FAM89A: variants seen among roughly 807,000 people sequenced by gnomAD.
FAM89A encodes protein FAM89A.
FAM89A carries 10 observed loss-of-function variants against 7.1 expected under a neutral mutation model. The observed-to-expected ratio is 1.40, with a 90% CI of 0.86 to 2.38. The LOEUF (loss-of-function observed/expected upper bound fraction) is 2.38, where lower values mean the gene tolerates loss of function less well. Among genes scored for constraint, FAM89A ranks in the 30% most tolerant of loss-of-function variants. The pLI is 0.00. For missense variants in FAM89A, 276 were observed against 262.8 expected (o/e 1.05, Z -0.35); for synonymous variants, 157 against 129.3 (o/e 1.21, Z -1.45).
intron 1 of FAM89A, among the ~76,000 whole-genome samples, chr1:231,029,226 GCC>G (rs1680027534): frequency 6.6e-6 from 1 of 152,168 alleles, no homozygotes; most frequent in Admixed American, 6.5e-5. Context: ...ACAGGCTCAC[GCC>G]TGTAATCCCA....
chr1:231,020,254 C>T (rs140223566), intron 1 of FAM89A, 128 bp from the exon 2 acceptor site: 46 of 994,766 alleles, frequency 4.6e-5, no homozygotes, highest in Non-Finnish European at 6.3e-5. Flanking sequence ...TTCAGAGCAT[C>T]ACTCGGATGC....
At position 231,019,111 on chromosome 1, in the gene FAM89A, A is replaced by G. The variant is rs1679823595; in HGVS notation, c.*752T>C. On this transcript the variant is annotated 3_prime_UTR_variant, in exon 2 of 2. Transcript: ENST00000366654. ...CTAGTTTACATTCGGAATCTTAAAA[A>G]TGAAAACATTTGCCATCTTACAGTG... 6.6e-6 allele frequency: 1 copy of G among 151,716 alleles called. No individual in the cohort carries two copies. The highest frequency in any genetic ancestry group is 1.5e-5 in the Non-Finnish European group (1 of 68,004). 9.4% of individuals were successfully genotyped at this position (151,716 alleles called of 1,614,324 possible). A position where few individuals can be genotyped will look rare whatever the true frequency, so the allele number is the denominator to read the frequency against.
At chr1:231,022,927 C>T (rs1679904319) in intron 1 of FAM89A, among the ~76,000 whole-genome samples, 1 of 105,786 alleles carries the variant, frequency 9.5e-6, no homozygotes, top group African/African-American at 2.9e-5. Flanking sequence ...TCTCAGGAAC[C>T]TTACCCATGC....
At chr1:231,030,632 A>C (rs568212434) in intron 1 of FAM89A, among the ~76,000 whole-genome samples, 2 of 152,316 alleles carry the variant, frequency 1.3e-5, no homozygotes, top group South Asian at 4.1e-4. Flanking sequence ...TAATTGTATT[A>C]TAAATTCAAA....
chr1:231,037,417 T>C (rs990483554), intron 1 of FAM89A, among the ~76,000 whole-genome samples: 1 of 152,208 alleles, frequency 6.6e-6, no homozygotes, highest in Non-Finnish European at 1.5e-5. Flanking sequence ...TTTCATCATC[T>C]TCCTTGACTC....
At chr1:231,030,603 A>C (rs1040220445) in intron 1 of FAM89A, among the ~76,000 whole-genome samples, 11 of 152,100 alleles carry the variant, frequency 7.2e-5, no homozygotes, top group African/African-American at 2.7e-4. Flanking sequence ...TTTTTTTCTG[A>C]TTATAAAAAT....
Position 231,019,880 on chromosome 1 carries a change from T to C in FAM89A, c.538A>G (p.Ile180Val). Residue 180 changes from isoleucine (I) to valine (V), a missense_variant, in exon 2 of 2, where the codon ATT becomes GTT. By Grantham distance (29) the Ile-to-Val change is conservative. Coordinates refer to ENST00000366654, the MANE Select transcript of FAM89A (RefSeq NM_198552.3). The part of the protein sequence containing the change: ...PVSSLSSSDW[I>V]LESI ...AAGACCCTCTAGATGGACTCCAGAA[T>C]CCAGTCGCTGCTGGAGAGGGAGGAG... The C allele has an allele frequency of 6.2e-7, 1 of 1,613,978 alleles. No homozygotes were observed.
rs774117034 is a variant in FAM89A at position 231,039,994 on chromosome 1, C to T, written c.218G>A (p.Gly73Glu). Residue 73 changes from glycine to glutamate, a missense_variant, in exon 1 of 2, where the codon GGG (glycine) becomes GAG (glutamate). Transcript: ENST00000366654. ...ELSRGGPGGG[G>E]ARAAALPAKP... is the part of the protein sequence containing the mutation. ...GGCGGGCAGCGCTGCCGCCCGGGCC[C>T]CGCCGCCGCCCGGGCCCCCGCGGCT... 5 of 1,386,638 alleles carry T rather than the reference C, an allele frequency of 3.6e-6. No individual in the cohort carries two copies. The highest frequency in any genetic ancestry group is 1.6e-5 in the South Asian group (1 of 61,328). The allele number at this position is 1,386,638 out of a possible 1,614,324, so 85.9% of individuals were successfully genotyped here.
chr1:231,032,262 T>G (rs1285633634), intron 1 of FAM89A, among the ~76,000 whole-genome samples: 1 of 152,028 alleles, frequency 6.6e-6, no homozygotes. Context: ...CATTTCAGAG[T>G]TTTTAAAAAA....
chr1:231,031,483 T>C (rs755301565), intron 1 of FAM89A, among the ~76,000 whole-genome samples: 13 of 152,146 alleles, frequency 8.5e-5, no homozygotes, highest in Admixed American at 6.5e-4. Flanking sequence ...AAGTGGAAAA[T>C]TGATTCAATA....
At chr1:231,024,519 T>TACACACACACACAC (rs1558254461) in intron 1 of FAM89A, among the ~76,000 whole-genome samples, 10 of 41,636 alleles carry the variant, frequency 2.4e-4, no homozygotes, top group Admixed American at 5.8e-4. Context: ...TTACATTGCA[T>TACACACACACACAC]GCACACACAC....
intron 1 of FAM89A, among the ~76,000 whole-genome samples, chr1:231,022,523 C>T (rs1679898931): frequency 6.6e-6 from 1 of 152,068 alleles, no homozygotes; most frequent in South Asian, 2.1e-4. Context: ...CTTTCCCGGG[C>T]ACACCACCTT....
chr1:231,036,062 A>G (rs1178173178), intron 1 of FAM89A, among the ~76,000 whole-genome samples: 1 of 152,206 alleles, frequency 6.6e-6, no homozygotes, highest in Non-Finnish European at 1.5e-5. Context: ...AAATGGAGGG[A>G]AAAAACAAAA....
intron 1 of FAM89A, among the ~76,000 whole-genome samples, chr1:231,030,029 G>A (rs1314591048): frequency 6.6e-6 from 1 of 152,236 alleles, no homozygotes; most frequent in Non-Finnish European, 1.5e-5. Context: ...TTGGAGACGG[G>A]CTATGAGCCC....
intron 1 of FAM89A, among the ~76,000 whole-genome samples, chr1:231,032,457 G>C (rs955644926): frequency 7.0e-6 from 1 of 143,818 alleles, no homozygotes; most frequent in Non-Finnish European, 1.5e-5. Context: ...ACAGGATCAT[G>C]CTTTTCTACC....
chr1:231,039,393 CAT>C (rs932333385), intron 1 of FAM89A, among the ~76,000 whole-genome samples: 4 of 152,252 alleles, frequency 2.6e-5, no homozygotes, highest in African/African-American at 9.6e-5. Flanking sequence ...GCGCCGGGGC[CAT>C]CCCGCGGTAA....
At chr1:231,033,660 A>G (rs955960440) in intron 1 of FAM89A, among the ~76,000 whole-genome samples, 2 of 152,356 alleles carry the variant, frequency 1.3e-5, no homozygotes, top group East Asian at 1.9e-4. Flanking sequence ...TTACATTTAC[A>G]TTGAACAGAT....
intron 1 of FAM89A, chr1:231,021,490 C>A (rs1378170943): frequency 3.1e-6 from 2 of 640,464 alleles, no homozygotes; most frequent in African/African-American, 1.8e-5. Flanking sequence ...GATCCAAATT[C>A]TTTTGCAAGC....
In FAM89A at chr1:231,040,076, C is replaced by T. The variant is rs776642566; in HGVS notation, c.136G>A (p.Gly46Ser). Residue 46 changes from glycine (G) to serine (S), a missense_variant, in exon 1 of 2, where the codon GGC (glycine) becomes AGC (serine). Gly to Ser is a moderately conservative substitution (Grantham distance 56). Transcript: ENST00000366654. The stretch of plus-strand genomic sequence containing the variant: ...TACAGCCGCTCCAGGTGCCGCCAGC[C>T]CCCAGACGCGCCGCCGCCCGACGCC... ...HSASGGGASG[G>S]WRHLERLYAQ... is the part of the protein sequence containing the mutation. The T allele has an allele frequency of 2.8e-6, 4 of 1,444,772 alleles. No individual in the cohort carries two copies. The highest frequency in any genetic ancestry group is 3.6e-6 in the Non-Finnish European group (4 of 1,100,562). 89.5% of individuals were successfully genotyped at this position (1,444,772 alleles called of 1,614,324 possible).
Sources: gnomAD v4.1 joint callset for allele counts (sites outside exome capture counted in the v4.1 genomes callset) on GRCh38, gnomAD v4.1.1 for gene constraint, MANE v1.5 for transcripts, NCBI Gene and HGNC (gene_info 2026-07-23, HGNC 2026-07-21) for gene names.